Variants in PKIG observed in about 807,000 individuals in gnomAD.
PKIG encodes protein kinase (cAMP-dependent, catalytic) inhibitor gamma.
In PKIG, 1 loss-of-function variant was observed where a neutral mutation model predicts 6.8. The observed-to-expected ratio is 0.15, with a 90% CI of 0.05 to 0.69. The LOEUF (loss-of-function observed/expected upper bound fraction) is 0.69, where lower values mean the gene tolerates loss of function less well. Ranked by LOEUF, PKIG falls within the 30% of genes least tolerant of loss-of-function variation. PKIG has a pLI of 0.82. For synonymous variants in PKIG, 39 were observed against 43.0 expected (o/e 0.91, Z 0.36); for missense variants, 77 against 104.0 (o/e 0.74, Z 1.13).
chr20:44,616,645 G>T (rs1326557664), intron 3 of PKIG, among the ~76,000 whole-genome samples: 3 of 152,194 alleles, frequency 2.0e-5, no homozygotes, highest in Non-Finnish European at 4.4e-5. Flanking sequence ...CATTTAAAAA[G>T]GGGGCCTGAG....
At chr20:44,596,582 G>T (rs1205708534) in intron 2 of PKIG, among the ~76,000 whole-genome samples, 1 of 152,240 alleles carries the variant, frequency 6.6e-6, no homozygotes, top group Non-Finnish European at 1.5e-5. Flanking sequence ...GGTTCCAAGG[G>T]AGGCTGTTGT....
Position 44,618,539 on chromosome 20 carries a change from C to T in PKIG, c.*175C>T. The T allele has an allele frequency of 1.7e-6, 1 of 577,246 alleles. No homozygotes were observed. Among genetic ancestry groups the T allele is most frequent in the Non-Finnish European group, 3.1e-6 (1 of 320,902 alleles). 35.8% of individuals were successfully genotyped at this position (577,246 alleles called of 1,614,324 possible). A position where few individuals can be genotyped will look rare whatever the true frequency, so the allele number is the denominator to read the frequency against. The stretch of plus-strand genomic sequence containing the variant: ...CCTCCACTCCGGGAAAGCCCTCTGC[C>T]CACACCCACAGGCTTCACATTCCCA... On this transcript the variant is annotated 3_prime_UTR_variant, in exon 4 of 4. Coordinates refer to ENST00000372886, the MANE Select transcript of PKIG (RefSeq NM_001281445.2).
rs541224644 is a variant in PKIG at position 44,614,035 on chromosome 20, C to T, written c.-23-499C>T. Among the ~76,000 whole-genome samples the T allele has an allele frequency of 2.3e-4, 35 of 152,318 alleles. No individual in the cohort carries two copies. Among genetic ancestry groups the T allele is most frequent in the Middle Eastern group, 3.4e-3 (1 of 294 alleles). On this transcript the variant is annotated intron_variant, in intron 2 of 3. Transcript: ENST00000372886. This position sits in a 1 kb window ranked among gnomAD's most constrained non-coding sequence, Gnocchi z 4.6. ...CTCACTCTTCATCTGCATGACGCCT[C>T]GTCCTCCTTGGTTCTCAGCTAAAAT...
At chr20:44,538,150 C>T (rs535231641) in intron 1 of PKIG, among the ~76,000 whole-genome samples, 1 of 152,244 alleles carries the variant, frequency 6.6e-6, no homozygotes, top group Admixed American at 6.5e-5. Context: ...AGCTCCACTC[C>T]CACAAACCTG....
chr20:44,581,016 G>C (rs2123338373), upstream of PKIG, among the ~76,000 whole-genome samples: 1 of 152,292 alleles, frequency 6.6e-6, no homozygotes, highest in African/African-American at 2.4e-5. Context: ...CTAGTGGCCT[G>C]AGTGTTTCCT....
chr20:44,615,739 GTCT>G (rs1242104744), intron 3 of PKIG, among the ~76,000 whole-genome samples: 2 of 152,170 alleles, frequency 1.3e-5, no homozygotes, highest in African/African-American at 4.8e-5. Flanking sequence ...GGTAGCCCTA[GTCT>G]TCTTGCCCCT....
At chr20:44,569,778 C>G (rs780443306) in intron 1 of PKIG, among the ~76,000 whole-genome samples, 14 of 152,042 alleles carry the variant, frequency 9.2e-5, no homozygotes, top group Non-Finnish European at 1.5e-4. Context: ...CGCACACTCC[C>G]CGTGTAATCC....
upstream of PKIG, among the ~76,000 whole-genome samples, chr20:44,581,707 T>A (rs1486603988): frequency 1.3e-5 from 2 of 152,244 alleles, no homozygotes; most frequent in Non-Finnish European, 1.5e-5. Context: ...CTTTTGGTTT[T>A]ACTCCCAGAG....
intron 2 of PKIG, among the ~76,000 whole-genome samples, chr20:44,611,294 A>T (rs1487694914): frequency 6.6e-6 from 1 of 151,964 alleles, no homozygotes; most frequent in Non-Finnish European, 1.5e-5. Context: ...CCTCAGGTGA[A>T]CTACCCGCCT....
At chr20:44,571,520 T>C (rs1191832090) in intron 1 of PKIG, among the ~76,000 whole-genome samples, 1 of 152,218 alleles carries the variant, frequency 6.6e-6, no homozygotes, top group Non-Finnish European at 1.5e-5. Context: ...GTCTTCACTT[T>C]ACTGGCCTTT....
intron 1 of PKIG, among the ~76,000 whole-genome samples, chr20:44,561,275 T>TG (rs2064765000): frequency 6.6e-6 from 1 of 151,624 alleles, no homozygotes; most frequent in Non-Finnish European, 1.5e-5. Flanking sequence ...AGGCAGAAGT[T>TG]GCAGTGAGCC....
chr20:44,532,862 C>T (rs1006099537), intron 1 of PKIG, among the ~76,000 whole-genome samples: 3 of 152,074 alleles, frequency 2.0e-5, no homozygotes, highest in Non-Finnish European at 4.4e-5. Flanking sequence ...GGAGAGAGTG[C>T]AGACTTCTTG....
intron 2 of PKIG, among the ~76,000 whole-genome samples, chr20:44,593,614 A>C (rs2065052412): frequency 6.6e-6 from 1 of 152,160 alleles, no homozygotes. Flanking sequence ...TTGTTGGGGA[A>C]ATGGAGAGAT....
chr20:44,544,921 C>CTTT (rs1568803959), intron 1 of PKIG, among the ~76,000 whole-genome samples: 10 of 84,860 alleles, frequency 1.2e-4, no homozygotes, highest in African/African-American at 2.7e-4. Context: ...TTCCTTCCTT[C>CTTT]TTTCTTTTTT....
intron 2 of PKIG, among the ~76,000 whole-genome samples, chr20:44,602,433 T>C (rs532851092): frequency 2.0e-5 from 3 of 152,338 alleles, no homozygotes; most frequent in South Asian, 2.1e-4. Context: ...TCTTTACACA[T>C]TGTAAATATC....
chr20:44,562,669 C>T (rs2064778147), intron 1 of PKIG, among the ~76,000 whole-genome samples: 1 of 140,094 alleles, frequency 7.1e-6, no homozygotes, highest in African/African-American at 2.7e-5. Flanking sequence ...TACTCATTAA[C>T]AAAATAATGA....
At chr20:44,556,578 G>T (rs2064715471) in intron 1 of PKIG, among the ~76,000 whole-genome samples, 1 of 151,922 alleles carries the variant, frequency 6.6e-6, no homozygotes, top group Non-Finnish European at 1.5e-5. Context: ...GGCCACGCTG[G>T]TCTTGAACTC....
At chr20:44,616,686 ACACT>A (rs1402793163) in intron 3 of PKIG, among the ~76,000 whole-genome samples, 2 of 152,172 alleles carry the variant, frequency 1.3e-5, no homozygotes, top group East Asian at 1.9e-4. Context: ...AGGAAAGGAA[ACACT>A]CACGGTGGCG....
intron 1 of PKIG, among the ~76,000 whole-genome samples, chr20:44,570,948 A>C (rs1381081464): frequency 6.6e-6 from 1 of 152,080 alleles, no homozygotes; most frequent in Non-Finnish European, 1.5e-5. Flanking sequence ...CATTACATGC[A>C]TTAGGCCAGG....
Sources: allele counts gnomAD v4.1 joint callset (sites outside exome capture counted in the v4.1 genomes callset), GRCh38; gene constraint gnomAD v4.1.1; non-coding constraint Gnocchi (gnomAD v3.1); transcripts MANE v1.5; gene names NCBI Gene and HGNC (gene_info 2026-07-23, HGNC 2026-07-21).